The following HSPG2 variants were observed in gnomAD, a reference collection of about 807,000 sequenced individuals.
HSPG2 encodes basement membrane-specific heparan sulfate proteoglycan core protein.
HSPG2 carries 278 observed loss-of-function variants against 526.6 expected under a neutral mutation model. The observed-to-expected ratio is 0.53, with a 90% confidence interval of 0.48 to 0.58. The LOEUF is 0.58. HSPG2 is among the 20% of genes least tolerant of loss of function. HSPG2 has a pLI of 0.00. For synonymous variants in HSPG2, 2,465 were observed against 2,555.4 expected (o/e 0.96, Z 1.07); for missense variants, 5,354 against 6,099.5 (o/e 0.88, Z 4.07).
chr1:21,899,325 C>A (rs182792832), intron 1 of HSPG2, among the ~76,000 whole-genome samples: 21 of 152,270 alleles, frequency 1.4e-4, no homozygotes, highest in Middle Eastern at 3.4e-3. Context: ...CCAAAAGGAA[C>A]TTGGGACTTG....
rs1404949931 is a variant in HSPG2, at chr1:21,904,242, C to T, written c.64-7932G>A. On this transcript the variant is annotated intron_variant, in intron 1 of 96. Coordinates refer to ENST00000374695, the MANE Select transcript of HSPG2 (RefSeq NM_005529.7). The surrounding 1 kb of genome is among the most constrained non-coding windows in gnomAD (Gnocchi z 4.4). ...GTGGCTGGGAGGCTGGGGAAGATTT[C>T]CAGAAGAAATGCTAACTCAGCTGGG... 6.6e-6 allele frequency among the ~76,000 whole-genome samples: 1 copy of T among 152,088 alleles called. No homozygotes were observed. The highest frequency in any genetic ancestry group is 1.5e-5 in the Non-Finnish European group (1 of 68,016).
At chr1:21,827,187 GAAA>G (rs1244776297) in intron 91 of HSPG2, among the ~76,000 whole-genome samples, 1 of 152,014 alleles carries the variant, frequency 6.6e-6, no homozygotes, top group African/African-American at 2.4e-5. Context: ...CAGCCTGGGT[GAAA>G]GAGCAAGACT....
chr1:21,906,855 T>A (rs1157244185), intron 1 of HSPG2, among the ~76,000 whole-genome samples: 1 of 152,022 alleles, frequency 6.6e-6, no homozygotes, highest in Non-Finnish European at 1.5e-5. Flanking sequence ...ACCCCAACCA[T>A]CCCGCCTTTC....
Position 21,887,339 on chromosome 1 carries a change from G to C in HSPG2, c.959-5C>G, listed in dbSNP as rs149574138. On this transcript the variant is annotated splice_region_variant and splice_polypyrimidine_tract_variant and intron_variant, in intron 8 of 96. Transcript: ENST00000374695. The surrounding 1 kb of genome is among the most constrained non-coding windows in gnomAD (Gnocchi z 5.0). The stretch of plus-strand genomic sequence containing the variant: ...GCTCACAGGGTGGCGGGGGGCCTAG[G>C]AGACCGGGCAGGGGTCAGCAGCATC... The C allele has an allele frequency of 6.2e-7, 1 of 1,613,856 alleles. No homozygotes were observed. Among genetic ancestry groups the C allele is most frequent in the East Asian group, 2.2e-5 (1 of 44,886 alleles).
At chr1:21,927,020 T>C (rs1644214734) in intron 1 of HSPG2, among the ~76,000 whole-genome samples, 1 of 151,642 alleles carries the variant, frequency 6.6e-6, no homozygotes, top group Admixed American at 6.6e-5. Context: ...GAGAGAGCCA[T>C]GGGCAGGCGC....
In HSPG2 at chr1:21,889,071, G is replaced by A. The variant is rs188852116; in HGVS notation, c.574+910C>T. Among the ~76,000 whole-genome samples the A allele has an allele frequency of 2.4e-4, 36 of 152,266 alleles. No individual in the cohort carries two copies. The South Asian group carries it at 3.1e-3, about 13-fold the overall frequency. ...CTCCTGAGTAGCTAGGACTACAGGC[G>A]CGCACCACCACGCTTGGCTTTAATT... On this transcript the variant is annotated intron_variant, in intron 6 of 96. Coordinates refer to ENST00000374695, the MANE Select transcript of HSPG2 (RefSeq NM_005529.7).
intron 1 of HSPG2, among the ~76,000 whole-genome samples, 194 bp from the exon 2 acceptor site, chr1:21,896,504 C>G (rs1572398221): frequency 6.6e-6 from 1 of 152,304 alleles, no homozygotes; most frequent in Admixed American, 6.5e-5. Context: ...CCCATTAGCC[C>G]CTGGAGGCTT....
At chr1:21,905,438 G>C (rs1200111926) in intron 1 of HSPG2, among the ~76,000 whole-genome samples, 2 of 152,076 alleles carry the variant, frequency 1.3e-5, no homozygotes, top group Non-Finnish European at 2.9e-5. Flanking sequence ...TCCAGTTTTT[G>C]CTCCAATGTC....
At chr1:21,929,411 CTTTTTT>C (rs1046354414) in intron 1 of HSPG2, among the ~76,000 whole-genome samples, 1 of 145,082 alleles carries the variant, frequency 6.9e-6, no homozygotes, top group Non-Finnish European at 1.5e-5. Context: ...ATTCTTTTTT[CTTTTTT>C]TTTTTTAAGA....
chr1:21,886,574 G>A (rs901701797), intron 9 of HSPG2, among the ~76,000 whole-genome samples: 6 of 152,070 alleles, frequency 3.9e-5, no homozygotes, highest in East Asian at 3.9e-4. Context: ...TGATGTGGTC[G>A]CTGCCTCTCC....
chr1:21,865,624 T>C lies in HSPG2; in HGVS notation c.4314+93A>G. The stretch of plus-strand genomic sequence containing the variant: ...CCCCAGCCTGTGCCAGAAAACTGAG[T>C]GCTGGATGGAAAGGACAAAGGACAA... On this transcript the variant is annotated intron_variant, in intron 34 of 96. Coordinates refer to ENST00000374695, the MANE Select transcript of HSPG2 (RefSeq NM_005529.7). This position sits in a 1 kb window ranked among gnomAD's most constrained non-coding sequence, Gnocchi z 5.4. The C allele has an allele frequency of 1.8e-6, 2 of 1,121,506 alleles. No homozygotes were observed. The highest frequency in any genetic ancestry group is 2.5e-5 in the South Asian group (2 of 81,214). The allele number at this position is 1,121,506 out of a possible 1,614,324, so 69.5% of individuals were successfully genotyped here.
chr1:21,896,456 G>T, intron 1 of HSPG2, 146 bp from the exon 2 acceptor site: 1 of 984,398 alleles, frequency 1.0e-6, no homozygotes, highest in Non-Finnish European at 1.6e-6. Flanking sequence ...CAGTGAGCCA[G>T]GCTGGGGCTG....
In HSPG2 at chr1:21,855,656, G is replaced by T; in HGVS notation, c.5721C>A (p.Leu1907=). The T allele has an allele frequency of 1.3e-6, 2 of 1,575,312 alleles. No homozygotes were observed. The highest frequency in any genetic ancestry group is 8.6e-7 in the Non-Finnish European group (1 of 1,163,386). Reference sequence around the variant, plus strand: ...CGCCGTGGATTTGTGCCTTCGCAGGGAGCTGGCCGCCGGGGCCCCCTGACG... The same window carrying T: ...CGCCGTGGATTTGTGCCTTCGCAGGTAGCTGGCCGCCGGGGCCCCCTGACG... The part of the protein sequence containing the change: ...LEWTGGPGGQ[L]PAKAQIHGGI... The change falls in exon 46 of 97, where the codon CTC becomes CTA. Residue 1907 remains leucine, a synonymous_variant. Coordinates refer to ENST00000374695, the MANE Select transcript of HSPG2 (RefSeq NM_005529.7).
intron 46 of HSPG2, 26 bp downstream of exon 46, chr1:21,855,497 C>T (rs373067912): frequency 5.3e-5 from 86 of 1,611,352 alleles, no homozygotes; most frequent in Non-Finnish European, 7.0e-5. Flanking sequence ...ACACTCCCGG[C>T]CCCCACCCTG....
intron 13 of HSPG2, among the ~76,000 whole-genome samples, chr1:21,881,835 C>T (rs1641531548): frequency 6.7e-6 from 1 of 148,982 alleles, no homozygotes; most frequent in African/African-American, 2.5e-5. Context: ...CCCAGCTACT[C>T]AGGAGGCTGA....
intron 33 of HSPG2, chr1:21,870,906 CAG>C: frequency 3.0e-6 from 3 of 985,274 alleles, no homozygotes; most frequent in Non-Finnish European, 3.6e-6. Flanking sequence ...GGACAGGAGA[CAG>C]AGATAGGTCT....
At chr1:21,920,446 G>C (rs1002932681) in intron 1 of HSPG2, among the ~76,000 whole-genome samples, 5 of 152,208 alleles carry the variant, frequency 3.3e-5, no homozygotes, top group Non-Finnish European at 5.9e-5. Context: ...GGGTCAGCCA[G>C]GCCTCCGGGC....
At chr1:21,880,043 A>T (rs1557772937) in intron 17 of HSPG2, 64 bp downstream of exon 17, 2 of 1,578,540 alleles carry the variant, frequency 1.3e-6, no homozygotes, top group Non-Finnish European at 1.7e-6. Context: ...TCATGAACAC[A>T]GGGAATCTCA....
In HSPG2 at chr1:21,876,302, C is replaced by T. The variant is rs1641058218; in HGVS notation, c.2930G>A (p.Gly977Glu). ...TAAGAGTCTGTGGAAGGAGGAGAATCCCAGTTCCCCGGGCGTGGGGGAGAA... is the reference window on the plus strand; with the variant it reads ...TAAGAGTCTGTGGAAGGAGGAGAATTCCAGTTCCCCGGGCGTGGGGGAGAA... ...GIFSPTPGEL[G>E]FSSFHRLLSG... Residue 977 changes from glycine to glutamate, a missense_variant, in exon 23 of 97, where the codon GGA becomes GAA. Gly to Glu is a moderately conservative substitution (Grantham distance 98). Transcript: ENST00000374695. 6.2e-7 allele frequency: 1 copy of T among 1,614,034 alleles called. No individual in the cohort carries two copies. The highest frequency in any genetic ancestry group is 1.1e-5 in the South Asian group (1 of 91,046).
Sources: allele counts gnomAD v4.1 joint callset (sites outside exome capture counted in the v4.1 genomes callset), GRCh38; gene constraint gnomAD v4.1.1; non-coding constraint Gnocchi (gnomAD v3.1); transcripts MANE v1.5; gene names NCBI Gene and HGNC (gene_info 2026-07-23, HGNC 2026-07-21).